GDA: variants seen among roughly 807,000 people sequenced by gnomAD.
The protein encoded by GDA is guanine deaminase.
GDA carries 18 observed loss-of-function variants against 59.6 expected under a neutral mutation model. That is an observed-to-expected ratio of 0.30 (90% CI 0.21 to 0.45). The LOEUF (loss-of-function observed/expected upper bound fraction) is 0.45. Ranked by LOEUF, GDA falls within the 20% of genes least tolerant of loss-of-function variation. The pLI, the probability that GDA is intolerant of heterozygous loss-of-function variation, is 1.00. For missense variants in GDA, 427 were observed against 552.3 expected, an observed-to-expected ratio of 0.77 and a Z score of 2.27; for synonymous variants, 201 against 201.1, an observed-to-expected ratio of 1.00 and a Z score of 0.00.
chr9:72,149,895 AGT>A (rs555507103), intron 1 of GDA, among the ~76,000 whole-genome samples: 185 of 152,320 alleles, frequency 1.2e-3, no homozygotes, highest in African/African-American at 4.1e-3. Context: ...AGTCGGGAGC[AGT>A]GGCGTGCTAA....
At chr9:72,134,087 G>T (rs1195694830) in intron 1 of GDA, among the ~76,000 whole-genome samples, 1 of 152,156 alleles carries the variant, frequency 6.6e-6, no homozygotes, top group African/African-American at 2.4e-5. Flanking sequence ...GTGAATTAGT[G>T]GAGGGAGTAG....
chr9:72,223,296 A>G, intron 7 of GDA, 69 bp downstream of exon 7: 1 of 812,238 alleles, frequency 1.2e-6, no homozygotes, highest in Non-Finnish European at 2.1e-6. Flanking sequence ...TTAAATCATC[A>G]TTTCCAATAA....
At chr9:72,147,777 A>G (rs534008098), upstream of GDA, among the ~76,000 whole-genome samples, 1 of 152,322 alleles carries the variant, frequency 6.6e-6, no homozygotes, top group East Asian at 1.9e-4. Context: ...TTTTGTGTAT[A>G]CAAGGGAATG....
At chr9:72,174,311 A>C (rs959542850) in intron 1 of GDA, among the ~76,000 whole-genome samples, 6 of 152,240 alleles carry the variant, frequency 3.9e-5, no homozygotes, top group Non-Finnish European at 7.3e-5. Context: ...ATTATGAAGA[A>C]ATGTGAAATT....
At chr9:72,120,715 T>G (rs1379080780) in intron 1 of GDA, among the ~76,000 whole-genome samples, 4 of 152,200 alleles carry the variant, frequency 2.6e-5, no homozygotes, top group African/African-American at 7.2e-5. Context: ...TCTAACATGT[T>G]TTATAAGGCC....
intron 1 of GDA, among the ~76,000 whole-genome samples, chr9:72,150,148 C>T (rs983224277): frequency 3.9e-5 from 6 of 152,122 alleles, no homozygotes; most frequent in African/African-American, 7.2e-5. Context: ...TGTTGTTTAG[C>T]GTGTCCAGAA....
intron 8 of GDA, among the ~76,000 whole-genome samples, chr9:72,227,193 G>A (rs1004774666): frequency 2.6e-5 from 4 of 152,120 alleles, no homozygotes; most frequent in African/African-American, 4.8e-5. Flanking sequence ...GTTTTGTACT[G>A]AGAGAAAAAT....
intron 11 of GDA, among the ~76,000 whole-genome samples, chr9:72,243,585 T>G (rs1839849673): frequency 6.6e-6 from 1 of 152,220 alleles, no homozygotes; most frequent in Non-Finnish European, 1.5e-5. Flanking sequence ...ATACAATTAG[T>G]AGAAGTCACC....
downstream of GDA, among the ~76,000 whole-genome samples, chr9:72,258,530 C>A (rs1840910041): frequency 6.6e-6 from 1 of 152,186 alleles, no homozygotes; most frequent in African/African-American, 2.4e-5. Flanking sequence ...GGGGGAGAGT[C>A]TTCCCCTGAT....
At chr9:72,213,570 G>C (rs1433107064) in intron 4 of GDA, among the ~76,000 whole-genome samples, 1 of 151,964 alleles carries the variant, frequency 6.6e-6, no homozygotes, top group African/African-American at 2.4e-5. Context: ...TTGGGAGGCC[G>C]AGGCGGGCGG....
intron 1 of GDA, among the ~76,000 whole-genome samples, chr9:72,184,644 C>T (rs953281937): frequency 6.6e-6 from 1 of 152,096 alleles, no homozygotes; most frequent in Non-Finnish European, 1.5e-5. Flanking sequence ...GTACATCCTT[C>T]ATCTATCAAG....
At position 72,202,670 on chromosome 9, in the gene GDA, C is replaced by T. The variant is rs61758972; in HGVS notation, c.312C>T (p.Thr104=). The T allele has an allele frequency of 2.0e-5, 33 of 1,613,370 alleles. 1 individual carries two copies. In the South Asian group the frequency reaches 3.1e-4, roughly 15 times the overall value. ...SIDLPLLEWL[T]KYTFPAEHRF... ...ACCTGCCACTCTTGGAGTGGCTGAC[C>T]AAGTACACATTTCCTGCAGAACACA... Residue 104 remains threonine, a synonymous_variant, in exon 3 of 14, where the codon ACC becomes ACT. Coordinates refer to ENST00000358399, the MANE Select transcript of GDA (RefSeq NM_004293.5).
chr9:72,137,940 G>A (rs1383938533), intron 1 of GDA, among the ~76,000 whole-genome samples: 5 of 152,166 alleles, frequency 3.3e-5, no homozygotes, highest in Non-Finnish European at 5.9e-5. Context: ...GGCCGAGTTA[G>A]GTCAACGCCA....
chr9:72,220,925 C>G (rs889960651), intron 6 of GDA, among the ~76,000 whole-genome samples: 2 of 152,174 alleles, frequency 1.3e-5, no homozygotes, highest in Non-Finnish European at 2.9e-5. Context: ...GCCTCCACCC[C>G]TAACAGGCTG....
intron 1 of GDA, among the ~76,000 whole-genome samples, chr9:72,138,074 A>G (rs769936053): frequency 6.6e-6 from 1 of 152,008 alleles, no homozygotes; most frequent in East Asian, 1.9e-4. Context: ...GTTCCCATAC[A>G]TCTGTCTGCA....
chr9:72,161,489 TA>T (rs11327039), intron 1 of GDA, among the ~76,000 whole-genome samples: 28,252 of 152,108 alleles, frequency 0.19, 2,968 homozygotes, highest in African/African-American at 0.3. Context: ...GAGCTGTAAT[TA>T]GTTTTATGTC....
intron 10 of GDA, among the ~76,000 whole-genome samples, chr9:72,234,328 GT>G (rs1838713698): frequency 6.6e-6 from 1 of 152,024 alleles, no homozygotes; most frequent in African/African-American, 2.4e-5. Flanking sequence ...TAATATCTTA[GT>G]TTTTTTGCAA....
intron 1 of GDA, among the ~76,000 whole-genome samples, chr9:72,155,693 A>G (rs1827808966): frequency 6.6e-6 from 1 of 152,180 alleles, no homozygotes; most frequent in Admixed American, 6.5e-5. Context: ...TTCAGGATAA[A>G]TGCATTGAAG....
At position 72,195,524 on chromosome 9, in the gene GDA, C is replaced by A. The variant is rs369384144; in HGVS notation, c.148C>A (p.Gln50Lys). The change falls in exon 2 of 14, where the codon CAA becomes AAA. Residue 50 changes from glutamine (Q) to lysine (K), a missense_variant. By Grantham distance (53) the Gln-to-Lys change is moderately conservative (BLOSUM62 1). Coordinates refer to ENST00000358399, the MANE Select transcript of GDA (RefSeq NM_004293.5). ...GKIVFLEEAS[Q>K]QEKLAKEWCF... ...GATAGTGTTTTTAGAAGAAGCATCT[C>A]AACAGGAAAAACTGGCCAAAGAATG... 1.3e-6 allele frequency: 2 copies of A among 1,556,508 alleles called. No individual in the cohort carries two copies. Among genetic ancestry groups the A allele is most frequent in the Non-Finnish European group, 8.8e-7 (1 of 1,134,626 alleles).
Sources: gnomAD v4.1 joint callset for allele counts (sites outside exome capture counted in the v4.1 genomes callset) on GRCh38, gnomAD v4.1.1 for gene constraint, MANE v1.5 for transcripts, NCBI Gene and HGNC (gene_info 2026-07-23, HGNC 2026-07-21) for gene names.